NTAN1: variants seen among roughly 807,000 people sequenced by gnomAD.
NTAN1 encodes the protein protein N-terminal asparagine amidohydrolase.
Under a neutral mutation model 41.9 loss-of-function variants are expected in NTAN1, and 32 were observed. The ratio of observed to expected loss-of-function variants is 0.76; its 90% CI spans 0.58 to 1.03. The LOEUF (loss-of-function observed/expected upper bound fraction) is 1.03, where lower values mean the gene tolerates loss of function less well. NTAN1 is among the 50% of genes least tolerant of loss of function. NTAN1 has a pLI of 0.00. For synonymous variants in NTAN1, 140 were observed against 139.5 expected, an observed-to-expected ratio of 1.00 and a Z score of -0.03; for missense variants, 377 against 377.5, an observed-to-expected ratio of 1.00 and a Z score of 0.01.
At chr16:15,039,025 G>A (rs149952426) in intron 8 of NTAN1, among the ~76,000 whole-genome samples, 3 of 152,236 alleles carry the variant, frequency 2.0e-5, no homozygotes, top group East Asian at 1.9e-4. Flanking sequence ...AAACCCAGGC[G>A]CTTCTGACTA....
intron 1 of NTAN1, among the ~76,000 whole-genome samples, chr16:15,048,846 ACTC>A (rs932105349): frequency 2.9e-5 from 4 of 140,202 alleles, no homozygotes; most frequent in African/African-American, 1.1e-4. Context: ...CTGGTCTCAA[ACTC>A]CTGGGCTCAA....
intron 2 of NTAN1, 37 bp downstream of exon 2, chr16:15,047,960 T>C (rs1350056775): frequency 6.2e-7 from 1 of 1,604,708 alleles, no homozygotes; most frequent in African/African-American, 1.3e-5. Flanking sequence ...CCAATAGCCT[T>C]TTGGGATAAC....
intron 1 of NTAN1, among the ~76,000 whole-genome samples, chr16:15,052,250 G>A (rs1177689035): frequency 6.6e-6 from 1 of 152,124 alleles, no homozygotes; most frequent in Non-Finnish European, 1.5e-5. Context: ...TTATTTATAG[G>A]TGACACCGAA....
chr16:15,041,224 G>A, intron 6 of NTAN1, 103 bp from the exon 7 acceptor site: 2 of 779,852 alleles, frequency 2.6e-6, no homozygotes, highest in South Asian at 2.9e-5. Context: ...GATGCAGAAA[G>A]GGAGGAAAAT....
At position 15,044,420 on chromosome 16, in the gene NTAN1, T is replaced by TGAGACGGGTCAGAGGCCAGAAGAA. The variant is rs745652451; in HGVS notation, c.360-37_360-14dup. 89 of 1,601,176 alleles carry TGAGACGGGTCAGAGGCCAGAAGAA rather than the reference T, an allele frequency of 5.6e-5. No individual in the cohort carries two copies. The highest frequency in any genetic ancestry group is 1.7e-4 in the Middle Eastern group (1 of 6,048). On this transcript the variant is annotated splice_polypyrimidine_tract_variant and intron_variant, in intron 4 of 9. Coordinates refer to ENST00000287706, the MANE Select transcript of NTAN1 (RefSeq NM_173474.4). ...GTGTACTTCCAGCCTGGCAAAGAGA[T>TGAGACGGGTCAGAGGCCAGAAGAA]GAGACGGGTCAGAGGCCAGAAGAAG...
chr16:15,041,744 A>G (rs2043824500), intron 5 of NTAN1, 68 bp from the exon 6 acceptor site: 1 of 1,178,768 alleles, frequency 8.5e-7, no homozygotes, highest in South Asian at 1.2e-5. Context: ...ACTGCTGAGC[A>G]AGCCAACGAC....
chr16:15,044,582 C>T (rs1040586176), intron 4 of NTAN1, 175 bp from the exon 5 acceptor site: 8 of 606,590 alleles, frequency 1.3e-5, no homozygotes, highest in Admixed American at 2.9e-5. Context: ...AGGCCAGTGG[C>T]GAGCTTCTGG....
intron 9 of NTAN1, 59 bp downstream of exon 9, chr16:15,038,515 T>A (rs148082088): frequency 2.0e-6 from 2 of 992,492 alleles, no homozygotes; most frequent in Non-Finnish European, 3.1e-6. Context: ...CTTTTTTTCT[T>A]ACAGATGGGG....
At position 15,056,011 on chromosome 16, in the gene NTAN1, GC is replaced by G. The variant is rs930992804; in HGVS notation, c.-41del. On this transcript the variant is annotated 5_prime_UTR_variant, in exon 1 of 10. Transcript: ENST00000287706. ...CCCAGGCAGGCCCAGGGAGGCGGCG[GC>G]CCCCCGCTTTGCAGCCCCGGGCCGC... The G allele has an allele frequency of 4.3e-4, 477 of 1,113,758 alleles. 1 individual carries two copies. The highest frequency in any genetic ancestry group is 5.2e-4 in the Non-Finnish European group (461 of 894,176). 69.0% of individuals were successfully genotyped at this position (1,113,758 alleles called of 1,614,324 possible). A position where few individuals can be genotyped will look rare whatever the true frequency, so the allele number is the denominator to read the frequency against.
At chr16:15,047,961 T>A in intron 2 of NTAN1, 36 bp downstream of exon 2, 1 of 1,605,088 alleles carries the variant, frequency 6.2e-7, no homozygotes, top group South Asian at 1.1e-5. Flanking sequence ...CAATAGCCTT[T>A]TGGGATAACG....
At chr16:15,049,354 C>T (rs1461096359) in intron 1 of NTAN1, among the ~76,000 whole-genome samples, 1 of 152,114 alleles carries the variant, frequency 6.6e-6, no homozygotes, top group Non-Finnish European at 1.5e-5. Flanking sequence ...TAGTCCCTAA[C>T]CTAGTAATTT....
intron 5 of NTAN1, among the ~76,000 whole-genome samples, chr16:15,043,791 T>C (rs1052700516): frequency 3.3e-5 from 5 of 151,798 alleles, no homozygotes; most frequent in Non-Finnish European, 5.9e-5. Context: ...CTACCAAAAA[T>C]ACAAAAATTA....
intron 1 of NTAN1, among the ~76,000 whole-genome samples, chr16:15,052,477 C>A (rs1178272727): frequency 1.3e-5 from 2 of 152,154 alleles, no homozygotes; most frequent in Admixed American, 1.3e-4. Flanking sequence ...TTTATCAATT[C>A]TTCCTTTATA....
Position 15,051,360 on chromosome 16 carries a change from T to A in NTAN1, c.82-3261A>T, listed in dbSNP as rs546420158. On this transcript the variant is annotated intron_variant, in intron 1 of 9. Transcript: ENST00000287706. ...CAGTAGACTGCTTTGCTCTATTTTT[T>A]AATTTCTTTTTTTAAACAGGGTCTT... 2.0e-5 allele frequency among the ~76,000 whole-genome samples: 3 copies of A among 152,348 alleles called. No homozygotes were observed. In the South Asian group the frequency reaches 6.2e-4, roughly 32 times the overall value.
chr16:15,039,732 T>C (rs1192272337), intron 8 of NTAN1, among the ~76,000 whole-genome samples: 1 of 152,158 alleles, frequency 6.6e-6, no homozygotes. Context: ...ATGCTGGGGT[T>C]CACACTTACC....
At chr16:15,043,905 G>A (rs1266144560) in intron 5 of NTAN1, among the ~76,000 whole-genome samples, 4 of 151,998 alleles carry the variant, frequency 2.6e-5, no homozygotes, top group Non-Finnish European at 5.9e-5. Context: ...CCGAGATCAT[G>A]CTACTGCACT....
intron 1 of NTAN1, among the ~76,000 whole-genome samples, chr16:15,050,305 A>T (rs1488573189): frequency 6.6e-6 from 1 of 152,252 alleles, no homozygotes; most frequent in Non-Finnish European, 1.5e-5. Context: ...GGATGAACAA[A>T]ATCTTCCTCA....
chr16:15,054,227 G>A (rs2044410300), intron 1 of NTAN1, among the ~76,000 whole-genome samples: 1 of 152,100 alleles, frequency 6.6e-6, no homozygotes, highest in Non-Finnish European at 1.5e-5. Context: ...TTACACTGCC[G>A]CAAATCAAAG....
At chr16:15,048,947 T>C (rs1282226325) in intron 1 of NTAN1, among the ~76,000 whole-genome samples, 70 of 129,732 alleles carry the variant, frequency 5.4e-4, no homozygotes, top group Admixed American at 2.5e-3. Flanking sequence ...TTTGTAGAGA[T>C]GAGGCCTCCC....
Sources: gnomAD v4.1 joint callset for allele counts (sites outside exome capture counted in the v4.1 genomes callset) on GRCh38, gnomAD v4.1.1 for gene constraint, MANE v1.5 for transcripts, NCBI Gene and HGNC (gene_info 2026-07-23, HGNC 2026-07-21) for gene names.